The following ITGA9 variants were observed in gnomAD, a reference collection of about 807,000 sequenced individuals.
The protein encoded by ITGA9 is integrin alpha-9.
Under a neutral mutation model 127.8 loss-of-function variants are expected in ITGA9, and 56 were observed. The ratio of observed to expected loss-of-function variants is 0.44; its 90% CI spans 0.35 to 0.55. The LOEUF is 0.55. Ranked by LOEUF, ITGA9 falls within the 20% of genes least tolerant of loss-of-function variation. ITGA9 has a pLI of 0.00. For synonymous variants in ITGA9, 508 were observed against 514.5 expected (o/e 0.99, Z 0.17); for missense variants, 1,196 against 1,347.1 (o/e 0.89, Z 1.76).
chr3:37,656,409 T>A (rs1482230141), intron 17 of ITGA9, among the ~76,000 whole-genome samples: 5 of 152,194 alleles, frequency 3.3e-5, no homozygotes, highest in African/African-American at 1.2e-4. Flanking sequence ...GTCCTTCACA[T>A]CTCTTGTAAG....
chr3:37,621,239 CA>C (rs1456146038), intron 15 of ITGA9, among the ~76,000 whole-genome samples: 1 of 152,202 alleles, frequency 6.6e-6, no homozygotes, highest in Admixed American at 6.5e-5. Flanking sequence ...GAGGCCTCCC[CA>C]GCCATATGGA....
intron 18 of ITGA9, among the ~76,000 whole-genome samples, chr3:37,721,865 G>A (rs1467474232): frequency 6.6e-6 from 1 of 152,132 alleles, no homozygotes; most frequent in Non-Finnish European, 1.5e-5. Context: ...AACCTTTTCT[G>A]CTCATTGTTG....
intron 3 of ITGA9, among the ~76,000 whole-genome samples, chr3:37,476,572 G>A (rs756183012): frequency 1.3e-5 from 2 of 152,056 alleles, no homozygotes; most frequent in African/African-American, 4.8e-5. Flanking sequence ...TATCCTCATG[G>A]CATTTTGCAC....
chr3:37,604,136 C>T (rs1208008209), intron 15 of ITGA9, among the ~76,000 whole-genome samples: 2 of 152,244 alleles, frequency 1.3e-5, no homozygotes, highest in African/African-American at 4.8e-5. Context: ...CCTCATCACA[C>T]TGCACAGCCC....
intron 15 of ITGA9, among the ~76,000 whole-genome samples, chr3:37,557,904 T>G (rs2125598049): frequency 6.6e-6 from 1 of 152,324 alleles, no homozygotes; most frequent in South Asian, 2.1e-4. Context: ...AGCCAAGTCT[T>G]GGGTTTGAAT....
intron 5 of ITGA9, among the ~76,000 whole-genome samples, chr3:37,498,686 C>T (rs1034152241): frequency 2.0e-5 from 3 of 152,248 alleles, no homozygotes; most frequent in Admixed American, 2.0e-4. Flanking sequence ...GGAGGGTGGG[C>T]AGTGGTGAGT....
Position 37,494,570 on chromosome 3 carries a change from T to C in ITGA9, c.612+2T>C. On this transcript the variant is annotated splice_donor_variant, in intron 5 of 27. Coordinates refer to ENST00000264741, the MANE Select transcript of ITGA9 (RefSeq NM_002207.3). LOFTEE classifies it high-confidence loss of function. The stretch of plus-strand genomic sequence containing the variant: ...GGGATAGCGGGCTTCTTCACCGAGG[T>C]GGGTGTCTGCTGTCTGGGCATTTCT... The C allele has an allele frequency of 6.2e-7, 1 of 1,612,280 alleles. No individual in the cohort carries two copies. The highest frequency in any genetic ancestry group is 8.5e-7 in the Non-Finnish European group (1 of 1,178,472).
chr3:37,740,929 G>A (rs776697011), intron 20 of ITGA9, among the ~76,000 whole-genome samples: 2 of 152,176 alleles, frequency 1.3e-5, no homozygotes, highest in Admixed American at 6.5e-5. Context: ...TATAGCGAGA[G>A]CTTCCATGAT....
chr3:37,575,255 G>T (rs969665514), intron 15 of ITGA9, among the ~76,000 whole-genome samples: 3 of 152,166 alleles, frequency 2.0e-5, no homozygotes, highest in African/African-American at 7.2e-5. Context: ...GGGGTCTGCA[G>T]AGTGCCGCAA....
chr3:37,777,196 A>G (rs1696918277), intron 23 of ITGA9, among the ~76,000 whole-genome samples, 196 bp from the exon 24 acceptor site: 1 of 152,196 alleles, frequency 6.6e-6, no homozygotes, highest in African/African-American at 2.4e-5. Context: ...CCTAAGATCC[A>G]CATTTTCTAT....
chr3:37,583,687 C>T (rs1441161709), intron 15 of ITGA9, among the ~76,000 whole-genome samples: 6 of 152,178 alleles, frequency 3.9e-5, no homozygotes, highest in Non-Finnish European at 8.8e-5. Context: ...TTTGTTGATC[C>T]CTTGGTTTCA....
chr3:37,756,705 G>A (rs1192092060), intron 23 of ITGA9, among the ~76,000 whole-genome samples: 2 of 152,136 alleles, frequency 1.3e-5, no homozygotes, highest in Non-Finnish European at 2.9e-5. Flanking sequence ...ATAAATAAGG[G>A]AATGCACATT....
chr3:37,536,217 A>T (rs1162252461), intron 14 of ITGA9, among the ~76,000 whole-genome samples: 1 of 152,180 alleles, frequency 6.6e-6, no homozygotes, highest in Non-Finnish European at 1.5e-5. Flanking sequence ...CCCACAGCTG[A>T]GACACTGGGT....
In ITGA9 at chr3:37,818,747, GT is replaced by G; in HGVS notation, c.3010-140del. 7.3e-6 allele frequency: 5 copies of G among 688,220 alleles called. No homozygotes were observed. In the South Asian group the frequency reaches 7.9e-5, roughly 11 times the overall value. The allele number at this position is 688,220 out of a possible 1,614,324, so 42.6% of individuals were successfully genotyped here. ...TCCACAGGATGTTTTTCTTGCCAGT[GT>G]TTTCTCTAATCCGAGGGGTCCTCCA... On this transcript the variant is annotated intron_variant, in intron 27 of 27. Transcript: ENST00000264741.
chr3:37,709,813 G>A (rs867556746), intron 18 of ITGA9, among the ~76,000 whole-genome samples: 4 of 152,230 alleles, frequency 2.6e-5, no homozygotes, highest in African/African-American at 9.7e-5. Context: ...AAAGTCCGGA[G>A]TAGACAGCAT....
At chr3:37,657,624 C>CAAA (rs139406617) in intron 17 of ITGA9, among the ~76,000 whole-genome samples, 90 of 141,248 alleles carry the variant, frequency 6.4e-4, no homozygotes, top group East Asian at 2.0e-3. Flanking sequence ...TTGATCTTTT[C>CAAA]AAAAAAAAAA....
chr3:37,611,739 A>T (rs1700018245), intron 15 of ITGA9, among the ~76,000 whole-genome samples: 1 of 152,018 alleles, frequency 6.6e-6, no homozygotes, highest in Admixed American at 6.6e-5. Context: ...ACACACCACT[A>T]AGGTCTAGGG....
rs568356915 is a variant in ITGA9, at chr3:37,629,942, C to T, written c.1839+606C>T. ...GCAGCAGCGCTGGCCAGCTCTGAGG[C>T]GTGCAGCACTGAGTGCGGTGCAGGA... On this transcript the variant is annotated intron_variant, in intron 16 of 27. Transcript: ENST00000264741. The surrounding 1 kb of genome is among the most constrained non-coding windows in gnomAD (Gnocchi z 4.5). Among the ~76,000 whole-genome samples the T allele has an allele frequency of 1.3e-4, 20 of 152,282 alleles. No homozygotes were observed. The highest frequency in any genetic ancestry group is 3.4e-3 in the Middle Eastern group (1 of 294).
chr3:37,508,652 A>G (rs763372983), intron 8 of ITGA9, 25 bp downstream of exon 8: 14 of 1,588,278 alleles, frequency 8.8e-6, no homozygotes, highest in African/African-American at 4.0e-5. Flanking sequence ...ATAAGTGACT[A>G]TTTTTTATTT....
Sources: gnomAD v4.1 joint callset for allele counts (sites outside exome capture counted in the v4.1 genomes callset) on GRCh38, gnomAD v4.1.1 for gene constraint, Gnocchi (gnomAD v3.1) non-coding constraint, MANE v1.5 for transcripts, NCBI Gene and HGNC (gene_info 2026-07-23, HGNC 2026-07-21) for gene names.